The following CLINT1 variants were observed in gnomAD, a reference collection of about 807,000 sequenced individuals.
The protein encoded by CLINT1 is clathrin interacting protein localized in the trans-Golgi region.
In CLINT1, 15 loss-of-function variants were observed where a neutral mutation model predicts 70.4. The ratio of observed to expected loss-of-function variants is 0.21; its 90% CI spans 0.14 to 0.33. The LOEUF (loss-of-function observed/expected upper bound fraction) is 0.33. Ranked by LOEUF, CLINT1 falls within the 10% of genes least tolerant of loss-of-function variation. The pLI is 1.00. For missense variants in CLINT1, 615 were observed against 778.1 expected (o/e 0.79, Z 2.49); for synonymous variants, 227 against 254.7 (o/e 0.89, Z 1.04).
intron 1 of CLINT1, among the ~76,000 whole-genome samples, chr5:157,829,152 G>C (rs1200739875): frequency 6.6e-6 from 1 of 151,948 alleles, no homozygotes; most frequent in African/African-American, 2.4e-5. Flanking sequence ...TAAAAAGACA[G>C]CTTTGGGTGG....
Position 157,814,174 on chromosome 5 carries a change from C to G in CLINT1, c.352+11G>C, listed in dbSNP as rs1219083357. The G allele has an allele frequency of 1.9e-6, 3 of 1,564,426 alleles. No homozygotes were observed. The highest frequency in any genetic ancestry group is 1.3e-5 in the African/African-American group (1 of 74,090). On this transcript the variant is annotated intron_variant, in intron 4 of 11. Coordinates refer to ENST00000411809, the MANE Select transcript of CLINT1 (RefSeq NM_014666.4). ...GTTTTAATTTGCTTATAAGGTTTTTCTATTGCTTACCTACAAAGTGGTAAT... is the reference window on the plus strand; with the variant it reads ...GTTTTAATTTGCTTATAAGGTTTTTGTATTGCTTACCTACAAAGTGGTAAT...
chr5:157,824,217 T>C (rs1399577109), intron 1 of CLINT1, among the ~76,000 whole-genome samples: 1 of 152,370 alleles, frequency 6.6e-6, no homozygotes, highest in South Asian at 2.1e-4. Flanking sequence ...CCTTGTGATA[T>C]TCATTTTTTA....
chr5:157,848,694 T>C (rs1186406651), intron 1 of CLINT1, among the ~76,000 whole-genome samples: 1 of 151,534 alleles, frequency 6.6e-6, no homozygotes, highest in Non-Finnish European at 1.5e-5. Flanking sequence ...TGCAGTCTCG[T>C]TCTGTTGTCC....
At chr5:157,844,373 A>AT (rs1236679460) in intron 1 of CLINT1, among the ~76,000 whole-genome samples, 4 of 152,044 alleles carry the variant, frequency 2.6e-5, no homozygotes, top group Admixed American at 2.6e-4. Flanking sequence ...ATCTTGTGTC[A>AT]TTTTCTATTT....
intron 10 of CLINT1, chr5:157,790,778 TAGTACTAGGTAATTC>T: frequency 3.2e-6 from 1 of 315,896 alleles, no homozygotes; most frequent in South Asian, 2.7e-5. Flanking sequence ...AATTCTAAGC[TAGTACTAGGTAATTC>T]GGATTTAACT....
chr5:157,789,346 G>T lies in CLINT1; in HGVS notation c.1531+17C>A, dbSNP rs769659619. On this transcript the variant is annotated intron_variant, in intron 11 of 11. Coordinates refer to ENST00000411809, the MANE Select transcript of CLINT1 (RefSeq NM_014666.4). Reference sequence around the variant, plus strand: ...CTGCAAGTACACAAAGAAGTGGGACGTCTTAAGGTAACTTACTCTGTTGCT... The same window carrying T: ...CTGCAAGTACACAAAGAAGTGGGACTTCTTAAGGTAACTTACTCTGTTGCT... 1 of 1,608,362 alleles carries T rather than the reference G, an allele frequency of 6.2e-7. No individual in the cohort carries two copies. The highest frequency in any genetic ancestry group is 1.1e-5 in the South Asian group (1 of 90,958).
chr5:157,825,211 T>A (rs1222277556), intron 1 of CLINT1, among the ~76,000 whole-genome samples: 1 of 152,180 alleles, frequency 6.6e-6, no homozygotes, highest in African/African-American at 2.4e-5. Flanking sequence ...TGATATCATA[T>A]GTATATGGGA....
chr5:157,813,096 C>A lies in CLINT1; in HGVS notation c.484G>T (p.Val162Phe). 6.2e-7 allele frequency: 1 copy of A among 1,613,854 alleles called. No homozygotes were observed. The highest frequency in any genetic ancestry group is 1.1e-5 in the South Asian group (1 of 91,072). Residue 162 changes from valine to phenylalanine, a missense_variant, in exon 5 of 12, where the codon GTT (valine) becomes TTT (phenylalanine). Physicochemically the swap from Val to Phe is conservative, Grantham distance 50. This residue lies in a region of CLINT1 where 241 missense variants were observed against 368.6 expected (regional missense o/e 0.65). Coordinates refer to ENST00000411809, the MANE Select transcript of CLINT1 (RefSeq NM_014666.4). ...AATCCTCCAACACTGTCTGAGGAAA[C>A]CCCAACATACTTGTCTTTGTTCTTC... ...AKKNKDKYVG[V>F]SSDSVGGFRY... is the part of the protein sequence containing the mutation.
chr5:157,834,327 T>TGCGCCACC (rs1389288835), intron 1 of CLINT1, among the ~76,000 whole-genome samples: 3 of 151,212 alleles, frequency 2.0e-5, no homozygotes, highest in East Asian at 2.0e-4. Context: ...ACTGCGCCAC[T>TGCGCCACC]GCGCCACCGC....
At chr5:157,852,989 G>A (rs1235357024) in intron 1 of CLINT1, among the ~76,000 whole-genome samples, 1 of 152,216 alleles carries the variant, frequency 6.6e-6, no homozygotes, top group African/African-American at 2.4e-5. Context: ...TACTAAAAAT[G>A]TACTTTGAAT....
chr5:157,827,366 A>G (rs1180269525), intron 1 of CLINT1, among the ~76,000 whole-genome samples: 1 of 152,196 alleles, frequency 6.6e-6, no homozygotes, highest in Non-Finnish European at 1.5e-5. Context: ...TTAAATGTTT[A>G]TAGTCCAACA....
In CLINT1 at chr5:157,809,657, T is replaced by C; in HGVS notation, c.666A>G (p.Lys222=). The C allele has an allele frequency of 6.2e-7, 1 of 1,612,096 alleles. No homozygotes were observed. Among genetic ancestry groups the C allele is most frequent in the Non-Finnish European group, 8.5e-7 (1 of 1,179,180 alleles). The change falls in exon 6 of 12, where the codon AAA becomes AAG. Residue 222 remains lysine (K), a synonymous_variant. Coordinates refer to ENST00000411809, the MANE Select transcript of CLINT1 (RefSeq NM_014666.4). ...IDDTISKFRR[K]DREDSPERCS... ...ATCTTTCTGGAGAGTCTTCTCTATC[T>C]TTCCTCCGGAACTTGCTGATGGTGT...
intron 6 of CLINT1, among the ~76,000 whole-genome samples, chr5:157,806,487 T>G (rs764401603): frequency 2.2e-4 from 32 of 147,960 alleles, no homozygotes; most frequent in South Asian, 4.3e-4. Flanking sequence ...AACACTTGCA[T>G]GTGATGATTA....
Position 157,859,019 on chromosome 5 carries a change from G to T in CLINT1, c.-49C>A, listed in dbSNP as rs377690645. The T allele has an allele frequency of 3.1e-5, 49 of 1,605,620 alleles. No homozygotes were observed. The highest frequency in any genetic ancestry group is 4.1e-5 in the Non-Finnish European group (48 of 1,175,952). Reference sequence around the variant, plus strand: ...CCGCCTCCCTCTCCTGCTCCCCACGGACCCCGGAACACTTCCGTACCGGGG... The same window carrying T: ...CCGCCTCCCTCTCCTGCTCCCCACGTACCCCGGAACACTTCCGTACCGGGG... On this transcript the variant is annotated 5_prime_UTR_variant, in exon 1 of 12. Coordinates refer to ENST00000411809, the MANE Select transcript of CLINT1 (RefSeq NM_014666.4).
intron 1 of CLINT1, among the ~76,000 whole-genome samples, chr5:157,855,962 C>T (rs975544170): frequency 6.6e-6 from 1 of 151,932 alleles, no homozygotes; most frequent in African/African-American, 2.4e-5. Flanking sequence ...TACATCATTA[C>T]ACTTAAGAGC....
chr5:157,812,390 AAGAC>A (rs1211142106), intron 5 of CLINT1, among the ~76,000 whole-genome samples: 1 of 152,218 alleles, frequency 6.6e-6, no homozygotes, highest in African/African-American at 2.4e-5. Context: ...CATGCCGTGA[AAGAC>A]AGTTCCTATT....
At chr5:157,834,241 C>CTGT (rs1320991406) in intron 1 of CLINT1, among the ~76,000 whole-genome samples, 1 of 152,162 alleles carries the variant, frequency 6.6e-6, no homozygotes, top group Non-Finnish European at 1.5e-5. Context: ...CAGTGTGCAC[C>CTGT]TGTAGCCCCA....
intron 1 of CLINT1, among the ~76,000 whole-genome samples, chr5:157,830,165 C>T (rs980806302): frequency 6.6e-5 from 10 of 152,084 alleles, no homozygotes; most frequent in Non-Finnish European, 1.0e-4. Flanking sequence ...CTAGGCTGGT[C>T]TCGAACTCCT....
intron 8 of CLINT1, among the ~76,000 whole-genome samples, chr5:157,798,897 A>G (rs1301686261): frequency 6.6e-6 from 1 of 152,120 alleles, no homozygotes; most frequent in African/African-American, 2.4e-5. Flanking sequence ...ATTATAAAGC[A>G]ATGAAAAGTA....
Sources: allele counts gnomAD v4.1 joint callset (sites outside exome capture counted in the v4.1 genomes callset), GRCh38; gene constraint gnomAD v4.1.1; regional missense constraint gnomAD v4.1.1; transcripts MANE v1.5; gene names NCBI Gene and HGNC (gene_info 2026-07-23, HGNC 2026-07-21).